ARMH3: variants seen among roughly 807,000 people sequenced by gnomAD.
The protein encoded by ARMH3 is armadillo like helical domain containing 3, also known as armadillo-like helical domain-containing protein 3.
Under a neutral mutation model 99.1 loss-of-function variants are expected in ARMH3, and 60 were observed. The ratio of observed to expected loss-of-function variants is 0.61; its 90% CI spans 0.49 to 0.75. ARMH3 has a LOEUF of 0.75. Among genes scored for constraint, ARMH3 ranks in the 30% least tolerant of loss-of-function variants. ARMH3 has a pLI of 0.00. For missense variants in ARMH3, 679 were observed against 843.1 expected (o/e 0.81, Z 2.41); for synonymous variants, 285 against 292.8 (o/e 0.97, Z 0.27).
In ARMH3 at chr10:101,864,078, AACACAC is replaced by A. The variant is rs71016353; in HGVS notation, c.1861-14192_1861-14187del. ...TCCATCTCAAAAAAAAAAAAAAAAA[AACACAC>A]ACACACACACACACACACACACAAA... On this transcript the variant is annotated intron_variant, in intron 24 of 25. Coordinates refer to ENST00000370033, the MANE Select transcript of ARMH3 (RefSeq NM_024541.3). Among the ~76,000 whole-genome samples, 1,025 of 106,244 alleles carry A rather than the reference AACACAC, an allele frequency of 9.6e-3. 13 individuals carry two copies. The highest frequency in any genetic ancestry group is 0.033 in the African/African-American group (964 of 29,170). The allele number at this position is 106,244 out of a possible 152,430, so 69.7% of individuals were successfully genotyped here.
chr10:102,028,070 A>C (rs905082217), intron 5 of ARMH3, among the ~76,000 whole-genome samples: 1 of 152,012 alleles, frequency 6.6e-6, no homozygotes, highest in East Asian at 1.9e-4. Context: ...AAAATAAAGA[A>C]AAGACAGACA....
rs528839121 is a variant in ARMH3 at position 101,951,933 on chromosome 10, G to A, written c.1705+4664C>T. Among the ~76,000 whole-genome samples, 181 of 150,954 alleles carry A rather than the reference G, an allele frequency of 1.2e-3. 1 individual carries two copies. The highest frequency in any genetic ancestry group is 4.4e-3 in the African/African-American group (178 of 40,766). On this transcript the variant is annotated intron_variant, in intron 22 of 25. Coordinates refer to ENST00000370033, the MANE Select transcript of ARMH3 (RefSeq NM_024541.3). ...GGAGGGAAGGAGGGAGGGGGGCGGA[G>A]GATGAGGAGGAGGAAGAAGAGGAAT...
At chr10:101,982,040 A>G (rs1023628485) in intron 19 of ARMH3, among the ~76,000 whole-genome samples, 4 of 150,948 alleles carry the variant, frequency 2.6e-5, no homozygotes, top group African/African-American at 9.7e-5. Flanking sequence ...AAAAAAAAAA[A>G]AAAACAAAGA....
chr10:101,899,118 T>C (rs1192395429), intron 23 of ARMH3, among the ~76,000 whole-genome samples: 1 of 152,244 alleles, frequency 6.6e-6, no homozygotes, highest in Non-Finnish European at 1.5e-5. Flanking sequence ...CCAACCTCTC[T>C]GAGTAGTAGT....
chr10:101,871,465 G>A (rs139162419), intron 24 of ARMH3, among the ~76,000 whole-genome samples: 7 of 152,268 alleles, frequency 4.6e-5, no homozygotes, highest in Admixed American at 2.6e-4. Context: ...AAATTTAGAC[G>A]TATAGACCAA....
chr10:102,041,096 T>C (rs1322132489), intron 1 of ARMH3, among the ~76,000 whole-genome samples: 1 of 145,956 alleles, frequency 6.9e-6, no homozygotes, highest in Non-Finnish European at 1.5e-5. Flanking sequence ...ATATAATATA[T>C]ATATATATAT....
chr10:101,936,780 A>G (rs181909089), intron 23 of ARMH3, among the ~76,000 whole-genome samples: 4 of 152,342 alleles, frequency 2.6e-5, no homozygotes, highest in Admixed American at 6.5e-5. Context: ...GGATGAATGG[A>G]TAAGTAAAAT....
At chr10:101,926,704 G>A (rs1003828557) in intron 23 of ARMH3, among the ~76,000 whole-genome samples, 9 of 152,186 alleles carry the variant, frequency 5.9e-5, no homozygotes, top group African/African-American at 1.9e-4. Context: ...CTAGTAGCCA[G>A]TATTTTATAA....
chr10:101,849,985 T>C (rs1183758897), intron 24 of ARMH3, 93 bp from the exon 25 acceptor site: 20 of 1,057,440 alleles, frequency 1.9e-5, no homozygotes, highest in Non-Finnish European at 2.6e-5. Flanking sequence ...GGGTTTGGTC[T>C]GTGACAACAC....
chr10:102,042,349 C>G (rs1360208312), intron 1 of ARMH3, among the ~76,000 whole-genome samples: 1 of 152,216 alleles, frequency 6.6e-6, no homozygotes, highest in Non-Finnish European at 1.5e-5. Flanking sequence ...CAAATATCCC[C>G]TTCTGAGGAT....
Position 101,889,447 on chromosome 10 carries a change from C to T in ARMH3, c.1825G>A (p.Ala609Thr). 1 of 1,614,010 alleles carries T rather than the reference C, an allele frequency of 6.2e-7. No individual in the cohort carries two copies. ...HFNPKIESYAAVNHISQLSEE... is the reference protein window; with the variant it reads ...HFNPKIESYATVNHISQLSEE... Reference sequence around the variant, plus strand: ...GACAGTTGGGATATGTGATTCACAGCAGCGTAGGACTCAATTTTGGGGTTA... The same window carrying T: ...GACAGTTGGGATATGTGATTCACAGTAGCGTAGGACTCAATTTTGGGGTTA... Residue 609 changes from alanine to threonine, a missense_variant, in exon 24 of 26, where the codon GCT becomes ACT. Around this residue, in one of 3 missense-constraint regions of ARMH3, gnomAD observed 389 missense variants for 456.5 expected, o/e 0.85. Transcript: ENST00000370033.
intron 24 of ARMH3, among the ~76,000 whole-genome samples, chr10:101,881,267 T>C (rs934705412): frequency 6.6e-6 from 1 of 152,146 alleles, no homozygotes; most frequent in Non-Finnish European, 1.5e-5. Flanking sequence ...GCAGAACACC[T>C]TTCTGCTCTT....
In ARMH3 at chr10:102,033,174, T is replaced by A; in HGVS notation, c.160-2A>T. The A allele has an allele frequency of 6.2e-7, 1 of 1,614,132 alleles. No homozygotes were observed. Among genetic ancestry groups the A allele is most frequent in the Non-Finnish European group, 8.5e-7 (1 of 1,180,008 alleles). On this transcript the variant is annotated splice_acceptor_variant, in intron 3 of 25. Coordinates refer to ENST00000370033, the MANE Select transcript of ARMH3 (RefSeq NM_024541.3). LOFTEE classifies it high-confidence loss of function. ...GCCTTCTAGGTACTCTAAATTCACCTGCCAAGGAAACAAATAAGGGGCAGA... is the reference window on the plus strand; with the variant it reads ...GCCTTCTAGGTACTCTAAATTCACCAGCCAAGGAAACAAATAAGGGGCAGA...
chr10:102,023,462 A>G lies in ARMH3; in HGVS notation c.669+15T>C. 2 of 1,606,190 alleles carry G rather than the reference A, an allele frequency of 1.2e-6. No individual in the cohort carries two copies. The highest frequency in any genetic ancestry group is 1.7e-6 in the Non-Finnish European group (2 of 1,173,318). On this transcript the variant is annotated intron_variant, in intron 8 of 25. Transcript: ENST00000370033. ...TATAGGCAGATAACAACTGTCCACT[A>G]AGGAGCCCAGTTACCTCATATTTTC... is the stretch of plus-strand genomic sequence containing the variant.
intron 16 of ARMH3, among the ~76,000 whole-genome samples, chr10:101,994,078 C>A (rs1014052145): frequency 2.0e-5 from 3 of 152,132 alleles, no homozygotes; most frequent in African/African-American, 7.2e-5. Flanking sequence ...ACACAGGCAG[C>A]GTGGAAGCAG....
chr10:102,038,803 G>A (rs775619733), intron 2 of ARMH3, among the ~76,000 whole-genome samples: 1 of 151,238 alleles, frequency 6.6e-6, no homozygotes, highest in Non-Finnish European at 1.5e-5. Context: ...GCAGTGGCAT[G>A]ATCACAGTTC....
At chr10:101,934,607 T>G (rs1239807761) in intron 23 of ARMH3, among the ~76,000 whole-genome samples, 1 of 152,152 alleles carries the variant, frequency 6.6e-6, no homozygotes, top group Admixed American at 6.5e-5. Context: ...AATCACCTAC[T>G]TGCAGTGTGA....
At chr10:101,900,406 G>A (rs1457319484) in intron 23 of ARMH3, among the ~76,000 whole-genome samples, 1 of 152,126 alleles carries the variant, frequency 6.6e-6, no homozygotes, top group Non-Finnish European at 1.5e-5. Flanking sequence ...CAGAACATAA[G>A]AAAATCCTAA....
At chr10:101,864,617 A>G (rs961729350) in intron 24 of ARMH3, among the ~76,000 whole-genome samples, 3 of 152,196 alleles carry the variant, frequency 2.0e-5, no homozygotes, top group African/African-American at 7.2e-5. Context: ...GCTGGAAACC[A>G]TAATTCTGAG....
Sources: allele counts gnomAD v4.1 joint callset (sites outside exome capture counted in the v4.1 genomes callset), GRCh38; gene constraint gnomAD v4.1.1; regional missense constraint gnomAD v4.1.1; transcripts MANE v1.5; gene names NCBI Gene and HGNC (gene_info 2026-07-23, HGNC 2026-07-21).